Variants in EPPK1 observed in about 807,000 individuals in gnomAD.
EPPK1 encodes the protein epiplakin.
For synonymous variants in EPPK1, 1,862 were observed against 1,721.2 expected (o/e 1.08, Z -2.03); for missense variants, 3,823 against 3,673.3 (o/e 1.04, Z -1.05).
At position 143,867,730 on chromosome 8, in the gene EPPK1, T is replaced by G; in HGVS notation, c.5524A>C (p.Asn1842His). 2 of 1,613,744 alleles carry G rather than the reference T, an allele frequency of 1.2e-6. No individual in the cohort carries two copies. The highest frequency in any genetic ancestry group is 1.7e-6 in the Non-Finnish European group (2 of 1,179,860). The change falls in exon 2 of 2, where the codon AAC becomes CAC. Residue 1842 changes from asparagine (N) to histidine (H), a missense_variant. By Grantham distance (68) the Asn-to-His change is moderately conservative. Transcript: ENST00000615648. The part of the protein sequence containing the change: ...TTTIEETETQ[N>H]QGIKVAAIRG... ...ATGGCCGCCACTTTGATGCCTTGGT[T>G]TTGCGTCTCTGTTTCTTCAATTGTC...
intron 1 of EPPK1, among the ~76,000 whole-genome samples, chr8:143,876,747 C>G (rs915925360): frequency 3.9e-5 from 6 of 152,232 alleles, no homozygotes; most frequent in African/African-American, 1.4e-4. Context: ...CCAGGCCAGA[C>G]GAGGGGCTTC....
chr8:143,875,741 C>T (rs1819465485), intron 1 of EPPK1, among the ~76,000 whole-genome samples: 1 of 152,250 alleles, frequency 6.6e-6, no homozygotes, highest in Non-Finnish European at 1.5e-5. Flanking sequence ...TCTGCCCCAG[C>T]CAAAAGCTGC....
In EPPK1 at chr8:143,871,905, T is replaced by C. The variant is rs1335669889; in HGVS notation, c.1349A>G (p.Gln450Arg). ...DGTHGGLRYE[Q>R]LLALCVTDPE... ...GTCGGTGACACAGAGGGCCAGCAGC[T>C]GTTCATAGCGCAGGCCGCCGTGCGT... The change falls in exon 2 of 2, where the codon CAG becomes CGG. Residue 450 changes from glutamine to arginine, a missense_variant. Physicochemically the swap from Gln to Arg is conservative, Grantham distance 43. Transcript: ENST00000615648. 11 of 1,608,484 alleles carry C rather than the reference T, an allele frequency of 6.8e-6. No homozygotes were observed. Among genetic ancestry groups the C allele is most frequent in the Non-Finnish European group, 9.3e-6 (11 of 1,179,674 alleles).
At position 143,870,339 on chromosome 8, in the gene EPPK1, G is replaced by A; in HGVS notation, c.2915C>T (p.Thr972Ile). ...ALLEAQAATG[T>I]IMDPHSPESL... ...CTCTGGGCTGTGAGGGTCCATGATGGTTCCGGTGGCCGCCTGGGCCTCCAG... is the reference window on the plus strand; with the variant it reads ...CTCTGGGCTGTGAGGGTCCATGATGATTCCGGTGGCCGCCTGGGCCTCCAG... The change falls in exon 2 of 2, where the codon ACC becomes ATC. Residue 972 changes from threonine (T) to isoleucine (I), a missense_variant. Thr to Ile is a moderately conservative substitution (Grantham distance 89). Transcript: ENST00000615648. This position sits in a 1 kb window ranked among gnomAD's most constrained non-coding sequence, Gnocchi z 5.2. 6.4e-7 allele frequency: 1 copy of A among 1,559,696 alleles called. No homozygotes were observed. The highest frequency in any genetic ancestry group is 8.6e-7 in the Non-Finnish European group (1 of 1,157,780).
At chr8:143,874,880 C>T (rs1433092629) in intron 1 of EPPK1, among the ~76,000 whole-genome samples, 3 of 152,124 alleles carry the variant, frequency 2.0e-5, no homozygotes, top group African/African-American at 7.2e-5. Flanking sequence ...TGACCCCCAC[C>T]CCCACTCCAC....
Position 143,867,419 on chromosome 8 carries a change from G to A in EPPK1, c.5835C>T (p.Thr1945=). 3 of 1,612,816 alleles carry A rather than the reference G, an allele frequency of 1.9e-6. No homozygotes were observed. The highest frequency in any genetic ancestry group is 2.5e-6 in the Non-Finnish European group (3 of 1,179,866). The change falls in exon 2 of 2, where the codon ACC becomes ACT. Residue 1945 remains threonine (T), a synonymous_variant. Transcript: ENST00000615648. ...CCTCATCCACAGAGAGCTTCTGGCG[G>A]GTGCAGGGGTCCAGGAGGAACCCGG... The part of the protein sequence containing the change: ...AATGFLLDPC[T]RQKLSVDEAV...
At position 143,866,418 on chromosome 8, in the gene EPPK1, AGG is replaced by A. The variant is rs1819108389; in HGVS notation, c.6834_6835del (p.Leu2279GlufsTer363). Reference sequence around the variant, plus strand: ...CACGGCCTCCTCCACCGACAGCCTCAGGTTGCGCACGGGGTCGATGACGAAGC... The same window carrying A: ...CACGGCCTCCTCCACCGACAGCCTCATTGCGCACGGGGTCGATGACGAAGC... On this transcript the variant is annotated frameshift_variant, in exon 2 of 2. Coordinates refer to ENST00000615648, the MANE Select transcript of EPPK1 (RefSeq NM_031308.4). LOFTEE classifies it low-confidence loss of function (END_TRUNC). The A allele has an allele frequency of 8.4e-7, 1 of 1,185,080 alleles. No individual in the cohort carries two copies. Among genetic ancestry groups the A allele is most frequent in the African/African-American group, 1.7e-5 (1 of 58,262 alleles). 73.4% of individuals were successfully genotyped at this position (1,185,080 alleles called of 1,614,324 possible). A position where few individuals can be genotyped will look rare whatever the true frequency, so the allele number is the denominator to read the frequency against.
Position 143,869,075 on chromosome 8 carries a change from C to T in EPPK1, c.4179G>A (p.Leu1393=), listed in dbSNP as rs185094602. Residue 1393 remains leucine, a synonymous_variant, in exon 2 of 2, where the codon CTG becomes CTA. Transcript: ENST00000615648. ...GLLDTQTSQV[L]TAVDKDNKFF... is the part of the protein sequence containing the mutation. ...ACTTGTTGTCCTTGTCAACTGCAGT[C>T]AGCACCTGGCTCGTCTGTGTGTCCA... 7.8e-4 allele frequency: 1,247 copies of T among 1,608,298 alleles called. 1 individual carries two copies. In the Middle Eastern group the frequency reaches 7.9e-3, roughly 10 times the overall value.
In EPPK1 at chr8:143,871,809, A is replaced by G; in HGVS notation, c.1445T>C (p.Phe482Ser). ...PRGGEPQGPPFIKYSTRQALS... is the reference protein window; with the variant it reads ...PRGGEPQGPPSIKYSTRQALS... ...GGCCTGCCGAGTGCTGTACTTGATG[A>G]ATGGGGGTCCCTGGGGCTCCCCTCC... The change falls in exon 2 of 2, where the codon TTC (phenylalanine) becomes TCC (serine). Residue 482 changes from phenylalanine to serine, a missense_variant. Physicochemically the swap from Phe to Ser is radical, Grantham distance 155. Coordinates refer to ENST00000615648, the MANE Select transcript of EPPK1 (RefSeq NM_031308.4). 6.2e-7 allele frequency: 1 copy of G among 1,612,234 alleles called. No individual in the cohort carries two copies. Among genetic ancestry groups the G allele is most frequent in the South Asian group, 1.1e-5 (1 of 91,056 alleles).
At position 143,867,272 on chromosome 8, in the gene EPPK1, C is replaced by T. The variant is rs782230626; in HGVS notation, c.5982G>A (p.Gln1994=). ...CCTCCGCCTTCTCGATGAGCTGCTT[C>T]TGCATGGCCTGGAACAGCGGGATCG... The part of the protein sequence containing the change: ...GDTIPLFQAM[Q]KQLIEKAEAL... The change falls in exon 2 of 2, where the codon CAG becomes CAA. Residue 1994 remains glutamine (Q), a synonymous_variant. Coordinates refer to ENST00000615648, the MANE Select transcript of EPPK1 (RefSeq NM_031308.4). The T allele has an allele frequency of 7.4e-6, 12 of 1,612,486 alleles. No homozygotes were observed. The East Asian group carries it at 2.7e-4, about 36-fold the overall frequency.
rs1819246990 is a variant in EPPK1, at chr8:143,869,158, C to T, written c.4096G>A (p.Val1366Met). ...LQVQLATGGV[V>M]DPVHGVHLPQ... is the part of the protein sequence containing the mutation. Reference sequence around the variant, plus strand: ...AGGTGCACCCCGTGGACAGGGTCCACCACACCCCCTGTGGCCAGCTGCACC... The same window carrying T: ...AGGTGCACCCCGTGGACAGGGTCCATCACACCCCCTGTGGCCAGCTGCACC... Residue 1366 changes from valine to methionine, a missense_variant, in exon 2 of 2, where the codon GTG (valine) becomes ATG (methionine). Val to Met is a conservative substitution (Grantham distance 21). Coordinates refer to ENST00000615648, the MANE Select transcript of EPPK1 (RefSeq NM_031308.4). The T allele has an allele frequency of 6.2e-7, 1 of 1,607,250 alleles. No individual in the cohort carries two copies. Among genetic ancestry groups the T allele is most frequent in the African/African-American group, 1.3e-5 (1 of 74,912 alleles).
rs1554660037 is a variant in EPPK1 at position 143,868,697 on chromosome 8, G to T, written c.4557C>A (p.Ala1519=). The change falls in exon 2 of 2, where the codon GCC becomes GCA. Residue 1519 remains alanine (A), a synonymous_variant. Transcript: ENST00000615648. ...CCTGCTTCCGGAGCCCTCTGAAGGT[G>T]GCCTGCAGGGGCTGCCTCTCTGCAG... ...VEAAERQPLQ[A]TFRGLRKQVS... 6.3e-7 allele frequency: 1 copy of T among 1,579,232 alleles called. No individual in the cohort carries two copies. Among genetic ancestry groups the T allele is most frequent in the Non-Finnish European group, 8.6e-7 (1 of 1,165,502 alleles).
At position 143,872,019 on chromosome 8, in the gene EPPK1, C is replaced by T. The variant is rs894481380; in HGVS notation, c.1235G>A (p.Arg412Gln). The T allele has an allele frequency of 7.7e-6, 12 of 1,564,612 alleles. No individual in the cohort carries two copies. Among genetic ancestry groups the T allele is most frequent in the Middle Eastern group, 1.9e-4 (1 of 5,344 alleles). The change falls in exon 2 of 2, where the codon CGG (arginine) becomes CAG (glutamine). Residue 412 changes from arginine to glutamine, a missense_variant. Transcript: ENST00000615648. ...GCGCAGGGCGGCCTCCAGGGGCAGCCGGAGCCTGCGTGCTGGACAGACCAG... is the reference window on the plus strand; with the variant it reads ...GCGCAGGGCGGCCTCCAGGGGCAGCTGGAGCCTGCGTGCTGGACAGACCAG... ...GGLVCPARRL[R>Q]LPLEAALRCG...
At position 143,872,893 on chromosome 8, in the gene EPPK1, C is replaced by T. The variant is rs1376224849; in HGVS notation, c.361G>A (p.Gly121Ser). Residue 121 changes from glycine to serine, a missense_variant, in exon 2 of 2, where the codon GGC becomes AGC. Physicochemically the swap from Gly to Ser is moderately conservative, Grantham distance 56 (BLOSUM62 0). Coordinates refer to ENST00000615648, the MANE Select transcript of EPPK1 (RefSeq NM_031308.4). ...KLLAAERATT[G>S]YPDPYGGEKL... ...TCACCGCCGTAGGGGTCAGGATAGC[C>T]CGTAGTGGCACGCTCAGCGGCCAGC... 1 of 1,603,518 alleles carries T rather than the reference C, an allele frequency of 6.2e-7. No homozygotes were observed. Among genetic ancestry groups the T allele is most frequent in the Non-Finnish European group, 8.5e-7 (1 of 1,175,066 alleles).
At chr8:143,877,766 C>G (rs1171404258) in intron 1 of EPPK1, among the ~76,000 whole-genome samples, 1 of 152,088 alleles carries the variant, frequency 6.6e-6, no homozygotes, top group African/African-American at 2.4e-5. Flanking sequence ...GCACCATGAT[C>G]AGAGATCAGT....
rs373855163 is a variant in EPPK1, at chr8:143,871,271, C to T, written c.1983G>A (p.Gly661=). 60 of 1,612,824 alleles carry T rather than the reference C, an allele frequency of 3.7e-5. No homozygotes were observed. In the African/African-American group the frequency reaches 7.7e-4, roughly 21 times the overall value. ...GFIIDPKANK[G]HSVEEALRAA... ...CCCTCAGTGCCTCCTCAACGGAGTG[C>T]CCCTTGTTTGCTTTTGGGTCGATGA... Residue 661 remains glycine (G), a synonymous_variant, in exon 2 of 2, where the codon GGG becomes GGA. Transcript: ENST00000615648.
chr8:143,868,291 G>C lies in EPPK1; in HGVS notation c.4963C>G (p.Pro1655Ala). 1 of 1,613,182 alleles carries C rather than the reference G, an allele frequency of 6.2e-7. No homozygotes were observed. The highest frequency in any genetic ancestry group is 1.3e-5 in the African/African-American group (1 of 75,058). The change falls in exon 2 of 2, where the codon CCC (proline) becomes GCC (alanine). Residue 1655 changes from proline (P) to alanine (A), a missense_variant. Coordinates refer to ENST00000615648, the MANE Select transcript of EPPK1 (RefSeq NM_031308.4). ...AGGGAGATCTGCTGCCCGGTATAGG[G>C]GTCGGTGTAGCCGGTGACGGCGCGC... ...AERAVTGYTDPYTGQQISLFQ... is the reference protein window; with the variant it reads ...AERAVTGYTDAYTGQQISLFQ...
chr8:143,857,981 G>A lies in EPPK1; in HGVS notation c.*6C>T, dbSNP rs935123771. The A allele has an allele frequency of 3.8e-6, 6 of 1,568,494 alleles. No homozygotes were observed. The highest frequency in any genetic ancestry group is 5.2e-6 in the Non-Finnish European group (6 of 1,152,812). On this transcript the variant is annotated 3_prime_UTR_variant, in exon 2 of 2. Coordinates refer to ENST00000615648, the MANE Select transcript of EPPK1 (RefSeq NM_031308.4). ...AGTTGCAGAAAACTGCACGGAGGAA[G>A]CCCAGTCACTGTAGAGAGAGAGAAA...
chr8:143,866,366 G>A lies in EPPK1; in HGVS notation c.6888C>T (p.Ile2296=). ...AVAAGVVGGE[I]QEKLLSAERA... ...GCTCGGCCGACAGCAGCTTCTCCTG[G>A]ATCTCGCCGCCCACCACGCCCGCGG... Residue 2296 remains isoleucine, a synonymous_variant, in exon 2 of 2, where the codon ATC becomes ATT. Coordinates refer to ENST00000615648, the MANE Select transcript of EPPK1 (RefSeq NM_031308.4). 1.3e-6 allele frequency: 1 copy of A among 785,000 alleles called. No homozygotes were observed. The highest frequency in any genetic ancestry group is 2.8e-5 in the East Asian group (1 of 36,052). The allele number at this position is 785,000 out of a possible 1,614,324, so 48.6% of individuals were successfully genotyped here. A position where few individuals can be genotyped will look rare whatever the true frequency, so the allele number is the denominator to read the frequency against.
Sources: gnomAD v4.1 joint callset for allele counts (sites outside exome capture counted in the v4.1 genomes callset) on GRCh38, gnomAD v4.1.1 for gene constraint, Gnocchi (gnomAD v3.1) non-coding constraint, MANE v1.5 for transcripts, NCBI Gene and HGNC (gene_info 2026-07-23, HGNC 2026-07-21) for gene names.